The following DLGAP1 variants were observed in gnomAD, a reference collection of about 807,000 sequenced individuals.
DLGAP1 encodes disks large-associated protein 1.
In DLGAP1, 11 loss-of-function variants were observed where a neutral mutation model predicts 90.8. That is an observed-to-expected ratio of 0.12 (90% CI 0.08 to 0.20). DLGAP1 has a LOEUF of 0.20. Among genes scored for constraint, DLGAP1 ranks in the 10% least tolerant of loss-of-function variants. DLGAP1 has a pLI of 1.00. For synonymous variants in DLGAP1, 558 were observed against 540.7 expected (o/e 1.03, Z -0.44); for missense variants, 1,050 against 1,333.8 (o/e 0.79, Z 3.31).
intron 1 of DLGAP1, among the ~76,000 whole-genome samples, chr18:4,299,660 C>T (rs1409941523): frequency 6.6e-6 from 1 of 151,972 alleles, no homozygotes; most frequent in Non-Finnish European, 1.5e-5. Context: ...AATACATGTT[C>T]TGTATTCCTC....
chr18:3,840,420 C>T (rs1568222847), intron 4 of DLGAP1, among the ~76,000 whole-genome samples: 1 of 152,208 alleles, frequency 6.6e-6, no homozygotes, highest in Non-Finnish European at 1.5e-5. Context: ...CTTTCTCCAT[C>T]TTCACAACCA....
chr18:4,063,287 G>A (rs894536562), intron 2 of DLGAP1, among the ~76,000 whole-genome samples: 4 of 152,018 alleles, frequency 2.6e-5, no homozygotes, highest in Non-Finnish European at 5.9e-5. Context: ...ATCTATGAAG[G>A]GTTTTGTTTC....
At chr18:3,880,199 C>A in intron 3 of DLGAP1, 59 bp from the exon 4 acceptor site, 1 of 822,468 alleles carries the variant, frequency 1.2e-6, no homozygotes, top group Non-Finnish European at 1.9e-6. Context: ...TTAGGTATTG[C>A]ACTTTACAGG....
At position 3,879,661 on chromosome 18, in the gene DLGAP1, G is replaced by A; in HGVS notation, c.408C>T (p.Gly136=). The A allele has an allele frequency of 6.2e-7, 1 of 1,606,120 alleles. No homozygotes were observed. The highest frequency in any genetic ancestry group is 1.7e-4 in the Middle Eastern group (1 of 6,060). ...TAVEHRSDSP[G]RIRHLVHSVQ... is the part of the protein sequence containing the mutation. The stretch of plus-strand genomic sequence containing the variant: ...CCGAGTGCACCAGGTGGCGGATGCG[G>A]CCGGGGCTGTCGCTGCGGTGCTCCA... Residue 136 remains glycine (G), a synonymous_variant, in exon 4 of 13, where the codon GGC becomes GGT. Transcript: ENST00000315677. The surrounding 1 kb of genome is among the most constrained non-coding windows in gnomAD (Gnocchi z 6.6).
At position 3,582,171 on chromosome 18, in the gene DLGAP1, T is replaced by C. The variant is rs751644887; in HGVS notation, c.1669A>G (p.Ile557Val). Residue 557 changes from isoleucine to valine, a missense_variant, in exon 8 of 13, where the codon ATC (isoleucine) becomes GTC (valine). Physicochemically the swap from Ile to Val is conservative, Grantham distance 29. Coordinates refer to ENST00000315677, the MANE Select transcript of DLGAP1 (RefSeq NM_004746.4). ...PRTTTKPFIS[I>V]TAQSSTESAQ... ...GACTCTGTGCTACTCTGGGCTGTGATAGAAATGAAAGGTTTCGTGGTAGTT... is the reference window on the plus strand; with the variant it reads ...GACTCTGTGCTACTCTGGGCTGTGACAGAAATGAAAGGTTTCGTGGTAGTT... 5 of 1,614,010 alleles carry C rather than the reference T, an allele frequency of 3.1e-6. No individual in the cohort carries two copies. Among genetic ancestry groups the C allele is most frequent in the Admixed American group, 1.7e-5 (1 of 59,974 alleles).
In DLGAP1 at chr18:3,647,155, G is replaced by A. The variant is rs185025246; in HGVS notation, c.1592-64907C>T. ...GGTAATCCCAGCTACTAGGGAGGCT[G>A]AGTCAGGAGAATCGCTTGAACCTGG... is the stretch of plus-strand genomic sequence containing the variant. On this transcript the variant is annotated intron_variant, in intron 7 of 12. Coordinates refer to ENST00000315677, the MANE Select transcript of DLGAP1 (RefSeq NM_004746.4). Among the ~76,000 whole-genome samples the A allele has an allele frequency of 3.3e-3, 499 of 151,972 alleles. 1 individual carries two copies. The highest frequency in any genetic ancestry group is 0.011 in the African/African-American group (471 of 41,464).
At chr18:4,260,061 A>C (rs1405930773) in intron 1 of DLGAP1, among the ~76,000 whole-genome samples, 1 of 152,226 alleles carries the variant, frequency 6.6e-6, no homozygotes, top group Non-Finnish European at 1.5e-5. Context: ...GGGTCATATA[A>C]GTTGAAAACA....
At chr18:3,547,793 T>C (rs1054891508) in intron 9 of DLGAP1, among the ~76,000 whole-genome samples, 50 of 152,192 alleles carry the variant, frequency 3.3e-4, no homozygotes, top group African/African-American at 1.2e-3. Flanking sequence ...TGAATGTTCA[T>C]AGCAGCTCTA....
chr18:3,610,284 T>C (rs1253487811), intron 7 of DLGAP1, among the ~76,000 whole-genome samples: 1 of 152,202 alleles, frequency 6.6e-6, no homozygotes, highest in Admixed American at 6.5e-5. Context: ...AGAGAAAATC[T>C]GCAGCAATGA....
rs184487883 is a variant in DLGAP1 at position 3,740,436 on chromosome 18, C to T, written c.1350+1899G>A. 9.2e-5 allele frequency among the ~76,000 whole-genome samples: 14 copies of T among 152,206 alleles called. No homozygotes were observed. In the East Asian group the frequency reaches 1.9e-3, roughly 21 times the overall value. On this transcript the variant is annotated intron_variant, in intron 6 of 12. Transcript: ENST00000315677. ...GATTTCTGTAAAGCAAGGAAACACA[C>T]GATGGGTCAGCACTGAAATCCCACA...
intron 2 of DLGAP1, among the ~76,000 whole-genome samples, chr18:4,019,828 C>T (rs926127302): frequency 6.6e-6 from 1 of 150,810 alleles, no homozygotes; most frequent in Admixed American, 6.6e-5. Flanking sequence ...CACACACACA[C>T]ATACACACGC....
chr18:4,149,270 T>C (rs970547901), intron 2 of DLGAP1, among the ~76,000 whole-genome samples: 10 of 152,296 alleles, frequency 6.6e-5, no homozygotes, highest in African/African-American at 2.4e-4. Flanking sequence ...CACTATGCCA[T>C]CTACTGAAGA....
intron 1 of DLGAP1, among the ~76,000 whole-genome samples, chr18:4,350,075 A>G (rs1315367380): frequency 6.6e-6 from 1 of 152,192 alleles, no homozygotes; most frequent in Non-Finnish European, 1.5e-5. Flanking sequence ...CTTCTTCATA[A>G]AACAACAGAA....
rs565853513 is a variant in DLGAP1 at position 4,134,348 on chromosome 18, A to T, written c.-159+16832T>A. ...CTCCCTGGGGCGGGAGGTTGGGGGG[A>T]CTTGGTTAATCTTACTCTTAAGATT... On this transcript the variant is annotated intron_variant, in intron 2 of 12. Transcript: ENST00000315677. Among the ~76,000 whole-genome samples, 831 of 151,608 alleles carry T rather than the reference A, an allele frequency of 5.5e-3. 9 individuals carry two copies. The highest frequency in any genetic ancestry group is 0.019 in the African/African-American group (803 of 41,262).
At chr18:4,292,087 C>A (rs574139048) in intron 1 of DLGAP1, among the ~76,000 whole-genome samples, 37 of 152,100 alleles carry the variant, frequency 2.4e-4, no homozygotes, top group Non-Finnish European at 4.7e-4. Flanking sequence ...AGATGACTTT[C>A]ATTTAAAACA....
chr18:3,704,868 C>T (rs964279672), intron 7 of DLGAP1, among the ~76,000 whole-genome samples: 1 of 152,116 alleles, frequency 6.6e-6, no homozygotes, highest in African/African-American at 2.4e-5. Context: ...AGAAAGAACA[C>T]CTTTATGATT....
At chr18:4,055,596 A>G (rs1437147667) in intron 2 of DLGAP1, among the ~76,000 whole-genome samples, 1 of 152,104 alleles carries the variant, frequency 6.6e-6, no homozygotes, top group African/African-American at 2.4e-5. Flanking sequence ...GCCTCCAGCT[A>G]CATCCATCTT....
intron 1 of DLGAP1, among the ~76,000 whole-genome samples, chr18:4,325,223 G>C (rs2080790000): frequency 6.6e-6 from 1 of 152,000 alleles, no homozygotes; most frequent in Admixed American, 6.6e-5. Context: ...CAACAGCCAA[G>C]CTGAGAGCCA....
intron 7 of DLGAP1, among the ~76,000 whole-genome samples, chr18:3,686,892 T>G (rs184158828): frequency 2.0e-5 from 3 of 152,320 alleles, no homozygotes; most frequent in Admixed American, 6.5e-5. Context: ...CAGAACTGAT[T>G]AAGGATCCTG....
Sources: allele counts gnomAD v4.1 joint callset (sites outside exome capture counted in the v4.1 genomes callset), GRCh38; gene constraint gnomAD v4.1.1; non-coding constraint Gnocchi (gnomAD v3.1); transcripts MANE v1.5; gene names NCBI Gene and HGNC (gene_info 2026-07-23, HGNC 2026-07-21).